Variants in ZNF548 observed in about 807,000 individuals in gnomAD.
ZNF548 encodes the protein zinc finger protein 548.
ZNF548 carries 10 observed loss-of-function variants against 10.2 expected under a neutral mutation model. The ratio of observed to expected loss-of-function variants is 0.98; its 90% CI spans 0.60 to 1.66. The LOEUF is 1.66. ZNF548 is among the 40% of genes most tolerant of loss of function. The probability of loss-of-function intolerance (pLI) is 0.00; values close to 1 mark genes in which losing one functional copy is unlikely to be tolerated. For missense variants in ZNF548, 599 were observed against 657.0 expected, an observed-to-expected ratio of 0.91 and a Z score of 0.97; for synonymous variants, 217 against 223.5, an observed-to-expected ratio of 0.97 and a Z score of 0.26.
chr19:57,393,553 A>C (rs953632134), intron 1 of ZNF548, among the ~76,000 whole-genome samples: 2 of 151,492 alleles, frequency 1.3e-5, no homozygotes, highest in Non-Finnish European at 2.9e-5. Flanking sequence ...CCAGCTTCTC[A>C]GGAGGCTGAG....
rs960300212 is a variant in ZNF548, at chr19:57,399,099, A to G, written c.848A>G (p.His283Arg). 1.2e-6 allele frequency: 2 copies of G among 1,614,168 alleles called. No individual in the cohort carries two copies. The highest frequency in any genetic ancestry group is 1.3e-5 in the African/African-American group (1 of 74,956). The change falls in exon 4 of 4, where the codon CAT (histidine) becomes CGT (arginine). Residue 283 changes from histidine to arginine, a missense_variant. Coordinates refer to ENST00000336128, the MANE Select transcript of ZNF548 (RefSeq NM_001172773.2). This position sits in a 1 kb window ranked among gnomAD's most constrained non-coding sequence, Gnocchi z 4.0. ...ATGTACAACTACCGACTCATGAGAC[A>G]TAAGCGAGTTCACACTGGAGAAAGG... ...SFMYNYRLMR[H>R]KRVHTGERPY...
At position 57,398,706 on chromosome 19, in the gene ZNF548, T is replaced by C. The variant is rs774938237; in HGVS notation, c.455T>C (p.Phe152Ser). 1 of 1,614,048 alleles carries C rather than the reference T, an allele frequency of 6.2e-7. No individual in the cohort carries two copies. Among genetic ancestry groups the C allele is most frequent in the South Asian group, 1.1e-5 (1 of 91,076 alleles). The change falls in exon 4 of 4, where the codon TTT (phenylalanine) becomes TCT (serine). Residue 152 changes from phenylalanine (F) to serine (S), a missense_variant. Phe to Ser is a radical substitution (Grantham distance 155, BLOSUM62 -2). Transcript: ENST00000336128. ...LSRGDDWIPS[F>S]GKNHRVHMAE... ...AGAGGGGATGATTGGATACCTTCAT[T>C]TGGGAAGAACCACAGAGTTCACATG...
chr19:57,399,280 C>A lies in ZNF548; in HGVS notation c.1029C>A (p.His343Gln), dbSNP rs1173852207. 2 of 1,614,090 alleles carry A rather than the reference C, an allele frequency of 1.2e-6. No homozygotes were observed. Among genetic ancestry groups the A allele is most frequent in the Admixed American group, 3.3e-5 (2 of 60,022 alleles). ...CACTCATTAAACATCAGAGAGTTCA[C>A]ACCGGAGAAAGACCTTATAAGTGCA... ...SSTLIKHQRVHTGERPYKCND... is the reference protein window; with the variant it reads ...SSTLIKHQRVQTGERPYKCND... The change falls in exon 4 of 4, where the codon CAC becomes CAA. Residue 343 changes from histidine (H) to glutamine (Q), a missense_variant. His to Gln is a conservative substitution (Grantham distance 24). Coordinates refer to ENST00000336128, the MANE Select transcript of ZNF548 (RefSeq NM_001172773.2). This position sits in a 1 kb window ranked among gnomAD's most constrained non-coding sequence, Gnocchi z 4.0.
chr19:57,393,908 C>G (rs532407481), intron 1 of ZNF548: 1 of 487,008 alleles, frequency 2.1e-6, no homozygotes, highest in African/African-American at 2.0e-5. Flanking sequence ...GGACCATAGC[C>G]GCTGATATAT....
Position 57,401,305 on chromosome 19 carries a change from A to G in ZNF548, c.*1416A>G, listed in dbSNP as rs966114287. On this transcript the variant is annotated 3_prime_UTR_variant, in exon 4 of 4. Transcript: ENST00000336128. ...CATCCATGGATTGCAGTGATCATTAATCAAAAATATTTGGAAAACAAAAAG... is the reference window on the plus strand; with the variant it reads ...CATCCATGGATTGCAGTGATCATTAGTCAAAAATATTTGGAAAACAAAAAG... 5 of 152,358 alleles carry G rather than the reference A, an allele frequency of 3.3e-5. No homozygotes were observed. Among genetic ancestry groups the G allele is most frequent in the East Asian group, 1.9e-4 (1 of 5,184 alleles). 9.4% of individuals were successfully genotyped at this position (152,358 alleles called of 1,614,324 possible).
In ZNF548 at chr19:57,401,083, T is replaced by G. The variant is rs1431628199; in HGVS notation, c.*1194T>G. ...TTGCTTTTTGTTGTTGAGTTGTAGT[T>G]CTTTATACATTCTGGATATTAACTC... On this transcript the variant is annotated 3_prime_UTR_variant, in exon 4 of 4. Transcript: ENST00000336128. The G allele has an allele frequency of 6.6e-6, 1 of 152,218 alleles. No individual in the cohort carries two copies. Among genetic ancestry groups the G allele is most frequent in the Non-Finnish European group, 1.5e-5 (1 of 68,042 alleles). 9.4% of individuals were successfully genotyped at this position (152,218 alleles called of 1,614,324 possible).
In ZNF548 at chr19:57,398,546, G is replaced by A. The variant is rs1275073308; in HGVS notation, c.295G>A (p.Glu99Lys). ...GTCCAGCCAGAAGGTCCACCCTAGT[G>A]AGACATGTGGCCCACCCTTGAAAGA... ...CLSSQKVHPS[E>K]TCGPPLKDIL... Residue 99 changes from glutamate to lysine, a missense_variant, in exon 4 of 4, where the codon GAG becomes AAG. By Grantham distance (56) the Glu-to-Lys change is moderately conservative (BLOSUM62 1). Coordinates refer to ENST00000336128, the MANE Select transcript of ZNF548 (RefSeq NM_001172773.2). 4.3e-6 allele frequency: 7 copies of A among 1,613,954 alleles called. No homozygotes were observed. In the African/African-American group the frequency reaches 5.3e-5, roughly 12 times the overall value.
chr19:57,392,246 T>A (rs1343914044), intron 1 of ZNF548, among the ~76,000 whole-genome samples: 1 of 152,232 alleles, frequency 6.6e-6, no homozygotes, highest in Admixed American at 6.5e-5. Flanking sequence ...AGGTTGTACA[T>A]TTACTTGGTT....
chr19:57,391,157 C>T (rs2088621354), intron 1 of ZNF548, among the ~76,000 whole-genome samples: 1 of 151,482 alleles, frequency 6.6e-6, no homozygotes, highest in Admixed American at 6.6e-5. Flanking sequence ...TCATTCCACA[C>T]TCTTTGTCCA....
At position 57,399,357 on chromosome 19, in the gene ZNF548, G is replaced by T; in HGVS notation, c.1106G>T (p.Arg369Ile). ...ATCTCCACACTCATTAGACATCAGA[G>T]AATTCACACTGGAGAAAGGCCTTAT... ...RYISTLIRHQ[R>I]IHTGERPYEC... The change falls in exon 4 of 4, where the codon AGA becomes ATA. Residue 369 changes from arginine (R) to isoleucine (I), a missense_variant. Physicochemically the swap from Arg to Ile is moderately conservative, Grantham distance 97. Coordinates refer to ENST00000336128, the MANE Select transcript of ZNF548 (RefSeq NM_001172773.2). This position sits in a 1 kb window ranked among gnomAD's most constrained non-coding sequence, Gnocchi z 4.0. 6.2e-7 allele frequency: 1 copy of T among 1,614,120 alleles called. No homozygotes were observed. Among genetic ancestry groups the T allele is most frequent in the Non-Finnish European group, 8.5e-7 (1 of 1,179,974 alleles).
Position 57,399,084 on chromosome 19 carries a change from A to G in ZNF548, c.833A>G (p.Tyr278Cys). 1 of 1,614,196 alleles carries G rather than the reference A, an allele frequency of 6.2e-7. No individual in the cohort carries two copies. The highest frequency in any genetic ancestry group is 8.5e-7 in the Non-Finnish European group (1 of 1,180,030). ...TGTGGAAAATCCTTTATGTACAACT[A>G]CCGACTCATGAGACATAAGCGAGTT... ...RECGKSFMYN[Y>C]RLMRHKRVHT... Residue 278 changes from tyrosine to cysteine, a missense_variant, in exon 4 of 4, where the codon TAC becomes TGC. Coordinates refer to ENST00000336128, the MANE Select transcript of ZNF548 (RefSeq NM_001172773.2). The surrounding 1 kb of genome is among the most constrained non-coding windows in gnomAD (Gnocchi z 4.0).
At chr19:57,392,854 G>C in intron 1 of ZNF548, 2 of 985,496 alleles carry the variant, frequency 2.0e-6, no homozygotes, top group Non-Finnish European at 2.4e-6. Context: ...CAGACCATTG[G>C]TGGCTCCACA....
Position 57,389,900 on chromosome 19 carries a change from G to C in ZNF548, c.-200G>C, listed in dbSNP as rs1250802365. 6 of 577,980 alleles carry C rather than the reference G, an allele frequency of 1.0e-5. No homozygotes were observed. The highest frequency in any genetic ancestry group is 9.4e-5 in the African/African-American group (5 of 53,332). 35.8% of individuals were successfully genotyped at this position (577,980 alleles called of 1,614,324 possible). A position where few individuals can be genotyped will look rare whatever the true frequency, so the allele number is the denominator to read the frequency against. ...GTGGTGGTCGTTTTGGTTCTGTGTG[G>C]TGTTTCACCAACTTCGGCCTATGGC... On this transcript the variant is annotated 5_prime_UTR_variant, in exon 1 of 4. Transcript: ENST00000336128.
intron 1 of ZNF548, among the ~76,000 whole-genome samples, chr19:57,391,297 C>CTTTTTTTTTTTTTTTTTTTTTTT (rs35713836): frequency 7.1e-6 from 1 of 140,614 alleles, no homozygotes; most frequent in Non-Finnish European, 1.5e-5. Flanking sequence ...TAGTTTCATG[C>CTTTTTTTTTTTTTTTTTTTTTTT]TTTTTTTTTT....
chr19:57,391,825 G>T (rs1432206592), intron 1 of ZNF548, among the ~76,000 whole-genome samples: 1 of 110,690 alleles, frequency 9.0e-6, no homozygotes, highest in South Asian at 3.0e-4. Flanking sequence ...ATGGAGTCTC[G>T]CTCCGTCGCC....
chr19:57,397,784 G>A (rs2088677930), intron 3 of ZNF548, among the ~76,000 whole-genome samples: 1 of 152,212 alleles, frequency 6.6e-6, no homozygotes, highest in Non-Finnish European at 1.5e-5. Flanking sequence ...TGGTGCCTGG[G>A]AATTGGGAAA....
chr19:57,397,736 A>G (rs1013004972), intron 3 of ZNF548, among the ~76,000 whole-genome samples: 1 of 152,020 alleles, frequency 6.6e-6, no homozygotes, highest in Admixed American at 6.6e-5. Context: ...GGTGGATATT[A>G]CTTCAACAAT....
chr19:57,390,265 G>A, intron 1 of ZNF548, 151 bp downstream of exon 1: 8 of 813,442 alleles, frequency 9.8e-6, no homozygotes, highest in African/African-American at 1.7e-5. Context: ...CAGCCTCAGA[G>A]CTCCCGTTAG....
chr19:57,390,226 G>A, intron 1 of ZNF548, 112 bp downstream of exon 1: 1 of 1,289,948 alleles, frequency 7.8e-7, no homozygotes, highest in African/African-American at 1.5e-5. Context: ...GCGTTCCTGT[G>A]TGGGGTCCCC....
Sources: gnomAD v4.1 joint callset for allele counts (sites outside exome capture counted in the v4.1 genomes callset) on GRCh38, gnomAD v4.1.1 for gene constraint, Gnocchi (gnomAD v3.1) non-coding constraint, MANE v1.5 for transcripts, NCBI Gene and HGNC (gene_info 2026-07-23, HGNC 2026-07-21) for gene names.